CECR2: variants seen among roughly 807,000 people sequenced by gnomAD.
CECR2 encodes chromatin remodeling regulator CECR2.
A neutral mutation model predicts 154.5 loss-of-function variants in CECR2; 30 were observed. The observed-to-expected ratio is 0.19, with a 90% CI of 0.15 to 0.26. The LOEUF (loss-of-function observed/expected upper bound fraction) is 0.26. Ranked by LOEUF, CECR2 falls within the 10% of genes least tolerant of loss-of-function variation. The probability of loss-of-function intolerance (pLI) is 1.00; values close to 1 mark genes in which losing one functional copy is unlikely to be tolerated. For synonymous variants in CECR2, 725 were observed against 683.7 expected, an observed-to-expected ratio of 1.06 and a Z score of -0.94; for missense variants, 1,743 against 1,829.3, an observed-to-expected ratio of 0.95 and a Z score of 0.86.
At chr22:17,510,750 C>T (rs1343815392) in intron 7 of CECR2, among the ~76,000 whole-genome samples, 1 of 152,134 alleles carries the variant, frequency 6.6e-6, no homozygotes, top group South Asian at 2.1e-4. Context: ...TACAGGCACG[C>T]ACCACCATGC....
chr22:17,523,755 CAAAAAAAAAAAAA>C (rs66963477), intron 8 of CECR2, among the ~76,000 whole-genome samples: 3 of 101,164 alleles, frequency 3.0e-5, no homozygotes, highest in Admixed American at 1.1e-4. Flanking sequence ...GACTCTATCT[CAAAAAAAAAAAAA>C]AAAAAAAGAA....
intron 1 of CECR2, among the ~76,000 whole-genome samples, chr22:17,438,502 A>G (rs5747134): frequency 0.14 from 20,882 of 152,242 alleles, 1,678 homozygotes; most frequent in South Asian, 0.25. Context: ...AATGAGCCCA[A>G]AATGTTTTCC....
intron 8 of CECR2, among the ~76,000 whole-genome samples, chr22:17,513,429 C>T (rs16982577): frequency 0.052 from 7,877 of 152,244 alleles, 393 homozygotes; most frequent in East Asian, 0.13. Context: ...AGTGACGACA[C>T]GATGTTCTAT....
chr22:17,510,822 G>C (rs1009289492), intron 7 of CECR2, among the ~76,000 whole-genome samples: 4 of 152,124 alleles, frequency 2.6e-5, no homozygotes, highest in African/African-American at 9.7e-5. Context: ...GGTCAGGATG[G>C]TCTTGATCTC....
At chr22:17,455,494 T>C (rs954199419) in intron 1 of CECR2, among the ~76,000 whole-genome samples, 3 of 152,244 alleles carry the variant, frequency 2.0e-5, no homozygotes, top group Admixed American at 2.0e-4. Context: ...CCTACTCTCC[T>C]GACCCACTTT....
At chr22:17,399,478 C>T (rs1470699554) in intron 1 of CECR2, among the ~76,000 whole-genome samples, 10 of 145,666 alleles carry the variant, frequency 6.9e-5, no homozygotes, top group African/African-American at 1.3e-4. Context: ...AGTGCCGTGG[C>T]GTGATCTCGG....
intron 2 of CECR2, among the ~76,000 whole-genome samples, chr22:17,496,282 G>A (rs1235259093): frequency 1.3e-5 from 2 of 152,050 alleles, no homozygotes; most frequent in Non-Finnish European, 2.9e-5. Context: ...TGGATCACGA[G>A]GTCAGGAGAT....
intron 1 of CECR2, among the ~76,000 whole-genome samples, chr22:17,410,274 C>A (rs1185686718): frequency 6.6e-6 from 1 of 152,028 alleles, no homozygotes; most frequent in Non-Finnish European, 1.5e-5. Context: ...CCACCGCGCC[C>A]GGCCCTGTCA....
At chr22:17,552,172 T>G in intron 18 of CECR2, 30 bp downstream of exon 18, 1 of 1,585,914 alleles carries the variant, frequency 6.3e-7, no homozygotes, top group Non-Finnish European at 8.7e-7. Context: ...AGAGCTGTTC[T>G]TCTTCCTCCA....
chr22:17,464,571 C>G (rs567098469), intron 1 of CECR2, among the ~76,000 whole-genome samples: 1 of 152,298 alleles, frequency 6.6e-6, no homozygotes. Context: ...ATGCTCATAG[C>G]TCACTGCAGC....
intron 2 of CECR2, among the ~76,000 whole-genome samples, chr22:17,480,117 CAG>C (rs1209583881): frequency 1.3e-5 from 2 of 151,994 alleles, no homozygotes; most frequent in Non-Finnish European, 2.9e-5. Context: ...CTTTAATTTG[CAG>C]AGTTTATTGG....
chr22:17,401,318 A>G (rs1008295461), intron 1 of CECR2, among the ~76,000 whole-genome samples: 1 of 152,222 alleles, frequency 6.6e-6, no homozygotes. Flanking sequence ...TATAACTGAC[A>G]TAATCTACTG....
At chr22:17,505,282 A>G (rs1378913923) in intron 7 of CECR2, among the ~76,000 whole-genome samples, 2 of 151,580 alleles carry the variant, frequency 1.3e-5, no homozygotes, top group Non-Finnish European at 2.9e-5. Flanking sequence ...CCTGGAACCA[A>G]CTTTCCTTCT....
Position 17,471,476 on chromosome 22 carries a change from C to T in CECR2, c.127-6112C>T, listed in dbSNP as rs541789245. 2.0e-5 allele frequency among the ~76,000 whole-genome samples: 3 copies of T among 152,270 alleles called. No homozygotes were observed. In the South Asian group the frequency reaches 6.2e-4, roughly 32 times the overall value. On this transcript the variant is annotated intron_variant, in intron 1 of 18. Coordinates refer to ENST00000262608, the MANE Select transcript of CECR2 (RefSeq NM_001290047.2). ...AGCATGTTGCATAGTTTCCAACTTT[C>T]GCAGTGCTCAGGAATTGTTAATATG...
intron 1 of CECR2, 44 bp from the exon 2 acceptor site, chr22:17,477,544 A>G: frequency 6.0e-6 from 8 of 1,333,312 alleles, no homozygotes; most frequent in African/African-American, 1.4e-5. Flanking sequence ...GTATTTTAAG[A>G]AATCTCTGTT....
rs190350652 is a variant in CECR2 at position 17,533,316 on chromosome 22, C to T, written c.1109-3787C>T. ...CCAGCCTGAGCAACAGAGTGAGACT[C>T]TATCTCCAAAAAAAAAAAAAAAAAT... On this transcript the variant is annotated intron_variant, in intron 9 of 18. Transcript: ENST00000262608. 2.0e-3 allele frequency among the ~76,000 whole-genome samples: 274 copies of T among 137,432 alleles called. 3 individuals carry two copies. The highest frequency in any genetic ancestry group is 7.1e-3 in the African/African-American group (257 of 36,264). 90.2% of individuals were successfully genotyped at this position (137,432 alleles called of 152,430 possible). A position where few individuals can be genotyped will look rare whatever the true frequency, so the allele number is the denominator to read the frequency against.
intron 1 of CECR2, among the ~76,000 whole-genome samples, chr22:17,429,608 G>C (rs187742564): frequency 2.0e-5 from 3 of 151,888 alleles, no homozygotes; most frequent in Non-Finnish European, 4.4e-5. Context: ...CTCTGGATTA[G>C]CTTATACAGA....
chr22:17,552,951 C>G lies in CECR2; in HGVS notation c.*111C>G. 6.6e-7 allele frequency: 1 copy of G among 1,509,412 alleles called. No homozygotes were observed. The highest frequency in any genetic ancestry group is 1.4e-5 in the African/African-American group (1 of 70,670). The allele number at this position is 1,509,412 out of a possible 1,614,324, so 93.5% of individuals were successfully genotyped here. On this transcript the variant is annotated 3_prime_UTR_variant, in exon 19 of 19. Coordinates refer to ENST00000262608, the MANE Select transcript of CECR2 (RefSeq NM_001290047.2). ...ATTCCCATCACCTGCTCCACCCCTT[C>G]ACGGCGACCCACTCGTGCCATACTT...
chr22:17,395,606 A>G (rs2053796800), intron 1 of CECR2, among the ~76,000 whole-genome samples: 1 of 152,124 alleles, frequency 6.6e-6, no homozygotes. Context: ...CAGCCCTCCC[A>G]AAGTGCTGGG....
Sources: gnomAD v4.1 joint callset for allele counts (sites outside exome capture counted in the v4.1 genomes callset) on GRCh38, gnomAD v4.1.1 for gene constraint, MANE v1.5 for transcripts, NCBI Gene and HGNC (gene_info 2026-07-23, HGNC 2026-07-21) for gene names.